Variants in CAPN14 observed in about 807,000 individuals in gnomAD.
The protein encoded by CAPN14 is calpain-14.
A neutral mutation model predicts 101.3 loss-of-function variants in CAPN14; 94 were observed. The ratio of observed to expected loss-of-function variants is 0.93; its 90% CI spans 0.79 to 1.10. The LOEUF is 1.10. CAPN14 is among the 50% of genes least tolerant of loss of function. The pLI is 0.00. For synonymous variants in CAPN14, 338 were observed against 317.9 expected, an observed-to-expected ratio of 1.06 and a Z score of -0.67; for missense variants, 837 against 828.4, an observed-to-expected ratio of 1.01 and a Z score of -0.13.
intron 1 of CAPN14, among the ~76,000 whole-genome samples, chr2:31,215,442 G>T (rs1025375949): frequency 6.6e-6 from 1 of 152,014 alleles, no homozygotes; most frequent in Non-Finnish European, 1.5e-5. Flanking sequence ...AGTCCAAATG[G>T]CCAGGCTCTT....
chr2:31,193,443 A>G (rs11124250), intron 9 of CAPN14, 149 bp from the exon 10 acceptor site: 382,342 of 746,306 alleles, frequency 0.51, 102,686 homozygotes, highest in East Asian at 0.63. Context: ...AGCTGACGAT[A>G]GGCACATCAG....
chr2:31,193,080 CCCCCG>C (rs1681279104), intron 10 of CAPN14, 46 bp downstream of exon 10: 18 of 1,497,474 alleles, frequency 1.2e-5, no homozygotes, highest in Non-Finnish European at 1.6e-5. Flanking sequence ...CATTCTGACA[CCCCCG>C]CCCACAACCT....
rs982773312 is a variant in CAPN14 at position 31,174,345 on chromosome 2, G to C, written c.*336C>G. ...AGTCACTTGAGTTTGCAGCCACAGA[G>C]GCAGTGTTGTATGGAGGCTAACCAC... is the stretch of plus-strand genomic sequence containing the variant. On this transcript the variant is annotated 3_prime_UTR_variant, in exon 22 of 22. Coordinates refer to ENST00000403897, the MANE Select transcript of CAPN14 (RefSeq NM_001145122.2). The C allele has an allele frequency of 6.9e-6, 3 of 433,120 alleles. No individual in the cohort carries two copies. Among genetic ancestry groups the C allele is most frequent in the Admixed American group, 8.1e-5 (2 of 24,820 alleles). The allele number at this position is 433,120 out of a possible 1,614,324, so 26.8% of individuals were successfully genotyped here. A position where few individuals can be genotyped will look rare whatever the true frequency, so the allele number is the denominator to read the frequency against.
intron 8 of CAPN14, among the ~76,000 whole-genome samples, chr2:31,194,986 G>T (rs562830932): frequency 6.6e-6 from 1 of 152,300 alleles, no homozygotes; most frequent in South Asian, 2.1e-4. Flanking sequence ...GGAAACAAAC[G>T]AGGTGAGCCC....
chr2:31,222,066 A>G (rs569758598), upstream of CAPN14, among the ~76,000 whole-genome samples: 2 of 152,300 alleles, frequency 1.3e-5, no homozygotes, highest in South Asian at 4.1e-4. Flanking sequence ...AAATAGAGGG[A>G]TTCTCTATGT....
At chr2:31,205,584 A>C (rs1572424810) in intron 1 of CAPN14, 85 bp from the exon 2 acceptor site, 1 of 734,634 alleles carries the variant, frequency 1.4e-6, no homozygotes, top group Non-Finnish European at 2.3e-6. Flanking sequence ...GGATGGAGAG[A>C]ATGGGAGCGG....
chr2:31,194,026 T>C (rs1247988571), intron 9 of CAPN14, among the ~76,000 whole-genome samples: 2 of 152,144 alleles, frequency 1.3e-5, no homozygotes, highest in East Asian at 3.9e-4. Flanking sequence ...GTTACTCTGC[T>C]CTGGAGGGCA....
At chr2:31,189,644 A>C (rs1415272693) in intron 12 of CAPN14, 166 bp from the exon 13 acceptor site, 2 of 702,192 alleles carry the variant, frequency 2.8e-6, no homozygotes, top group African/African-American at 3.5e-5. Context: ...GAAAAACCAG[A>C]ATATGTGTGT....
chr2:31,184,535 C>T (rs1197559513), intron 16 of CAPN14, among the ~76,000 whole-genome samples: 1 of 152,214 alleles, frequency 6.6e-6, no homozygotes, highest in Non-Finnish European at 1.5e-5. Flanking sequence ...GAACAGAATA[C>T]AGTAGACCTA....
At chr2:31,206,095 C>A (rs917887971) in intron 1 of CAPN14, among the ~76,000 whole-genome samples, 1 of 147,926 alleles carries the variant, frequency 6.8e-6, no homozygotes, top group Non-Finnish European at 1.5e-5. Flanking sequence ...TGCAGTGGCG[C>A]GATCTCGGCT....
At position 31,193,365 on chromosome 2, in the gene CAPN14, G is replaced by A. The variant is rs1005624358; in HGVS notation, c.951-71C>T. 6 of 1,460,740 alleles carry A rather than the reference G, an allele frequency of 4.1e-6. No homozygotes were observed. The South Asian group carries it at 5.2e-5, about 13-fold the overall frequency. The allele number at this position is 1,460,740 out of a possible 1,614,324, so 90.5% of individuals were successfully genotyped here. The stretch of plus-strand genomic sequence containing the variant: ...GCCTAGTTATCAGGACCCATGGGGA[G>A]GGTGAAACGGAGCAGTGGGCATCCC... On this transcript the variant is annotated intron_variant, in intron 9 of 21. Transcript: ENST00000403897.
intron 1 of CAPN14, among the ~76,000 whole-genome samples, chr2:31,207,452 A>G (rs949730368): frequency 6.6e-6 from 1 of 152,236 alleles, no homozygotes; most frequent in Non-Finnish European, 1.5e-5. Context: ...TTTAAAAGAT[A>G]CATAAAGTCA....
chr2:31,191,328 A>C, intron 12 of CAPN14, 71 bp downstream of exon 12: 1 of 1,445,008 alleles, frequency 6.9e-7, no homozygotes, highest in Non-Finnish European at 9.4e-7. Context: ...AGTCTAACTA[A>C]ATCCTGTGGA....
rs1003848970 is a variant in CAPN14, at chr2:31,202,275, T to C, written c.296-23A>G. On this transcript the variant is annotated intron_variant, in intron 3 of 21. Transcript: ENST00000403897. Reference sequence around the variant, plus strand: ...CTCCTAAGTCAGACAGCACACAGCATCTGCATGAATCTACTGGGGACTTTA... The same window carrying C: ...CTCCTAAGTCAGACAGCACACAGCACCTGCATGAATCTACTGGGGACTTTA... The C allele has an allele frequency of 7.2e-6, 11 of 1,520,836 alleles. No homozygotes were observed. In the African/African-American group the frequency reaches 1.4e-4, roughly 19 times the overall value. The allele number at this position is 1,520,836 out of a possible 1,614,324, so 94.2% of individuals were successfully genotyped here. A position where few individuals can be genotyped will look rare whatever the true frequency, so the allele number is the denominator to read the frequency against.
intron 9 of CAPN14, 27 bp from the exon 10 acceptor site, chr2:31,193,321 A>T: frequency 1.9e-6 from 3 of 1,549,718 alleles, no homozygotes; most frequent in Non-Finnish European, 2.6e-6. Flanking sequence ...GAAAAGCACA[A>T]AGAGATGGAC....
upstream of CAPN14, among the ~76,000 whole-genome samples, chr2:31,222,175 A>T (rs1682880071): frequency 6.6e-6 from 1 of 152,220 alleles, no homozygotes; most frequent in Non-Finnish European, 1.5e-5. Flanking sequence ...CTACAGTTCC[A>T]AGGAAAGGTT....
Position 31,189,392 on chromosome 2 carries a change from T to C in CAPN14, c.1374A>G (p.Lys458=), listed in dbSNP as rs145387315. 50 of 1,551,756 alleles carry C rather than the reference T, an allele frequency of 3.2e-5. No homozygotes were observed. In the East Asian group the frequency reaches 1.1e-3, roughly 33 times the overall value. The part of the protein sequence containing the change: ...LSQPDRFLKE[K]EVSQELCLEP... ...CCAGACACAGCTCCTGACTCACTTCTTTCTCCTTGAGAAACCTATCAGGCT... is the reference window on the plus strand; with the variant it reads ...CCAGACACAGCTCCTGACTCACTTCCTTCTCCTTGAGAAACCTATCAGGCT... Residue 458 remains lysine, a synonymous_variant, in exon 13 of 22, where the codon AAA becomes AAG. Coordinates refer to ENST00000403897, the MANE Select transcript of CAPN14 (RefSeq NM_001145122.2).
At chr2:31,186,568 G>T in intron 15 of CAPN14, 83 bp from the exon 16 acceptor site, 1 of 1,011,844 alleles carries the variant, frequency 9.9e-7, no homozygotes. Context: ...GACTGGCCAT[G>T]AAATTAAACT....
At chr2:31,218,405 A>T (rs1322596391), upstream of CAPN14, among the ~76,000 whole-genome samples, 1 of 152,126 alleles carries the variant, frequency 6.6e-6, no homozygotes, top group South Asian at 2.1e-4. Flanking sequence ...CAGTGGAATC[A>T]GAGTCCCTTG....
Sources: allele counts gnomAD v4.1 joint callset (sites outside exome capture counted in the v4.1 genomes callset), GRCh38; gene constraint gnomAD v4.1.1; transcripts MANE v1.5; gene names NCBI Gene and HGNC (gene_info 2026-07-23, HGNC 2026-07-21).